CRACD: variants seen among roughly 807,000 people sequenced by gnomAD.
CRACD encodes capping protein-inhibiting regulator of actin dynamics.
A neutral mutation model predicts 106.8 loss-of-function variants in CRACD; 56 were observed. That is an observed-to-expected ratio of 0.52 (90% confidence interval 0.42 to 0.66). The LOEUF (loss-of-function observed/expected upper bound fraction) is 0.66. Among genes scored for constraint, CRACD ranks in the 30% least tolerant of loss-of-function variants. The probability of loss-of-function intolerance (pLI) is 0.00; values close to 1 mark genes in which losing one functional copy is unlikely to be tolerated. For missense variants in CRACD, 1,730 were observed against 1,623.2 expected (o/e 1.07, Z -1.13); for synonymous variants, 754 against 670.8 (o/e 1.12, Z -1.92).
intron 8 of CRACD, among the ~76,000 whole-genome samples, chr4:56,319,992 G>A (rs1745964161): frequency 6.6e-6 from 1 of 152,086 alleles, no homozygotes. Flanking sequence ...GGCCAACATG[G>A]TGAAACCCTG....
At chr4:56,271,340 G>C (rs953475269) in intron 2 of CRACD, among the ~76,000 whole-genome samples, 5 of 152,200 alleles carry the variant, frequency 3.3e-5, no homozygotes, top group African/African-American at 9.6e-5. Flanking sequence ...AGCAAGCCTA[G>C]TTCCTGACTA....
chr4:56,139,813 T>C (rs565967929), intron 1 of CRACD, among the ~76,000 whole-genome samples: 9 of 152,268 alleles, frequency 5.9e-5, no homozygotes, highest in African/African-American at 2.2e-4. Flanking sequence ...CAAATATAAT[T>C]ACATTTATAT....
rs549132022 is a variant in CRACD, at chr4:56,124,792, A to G, written c.-335-54492A>G. Among the ~76,000 whole-genome samples the G allele has an allele frequency of 2.6e-5, 4 of 152,244 alleles. No homozygotes were observed. The East Asian group carries it at 7.7e-4, about 29-fold the overall frequency. On this transcript the variant is annotated intron_variant, in intron 1 of 10. Transcript: ENST00000682029. ...GTCTTTCCCTACTTTTGGTAGAGGA[A>G]GAGTTGCTTTTCATTCCTGTAAAGT... is the stretch of plus-strand genomic sequence containing the variant.
chr4:56,280,867 C>CCAAG (rs1311726519), intron 3 of CRACD, among the ~76,000 whole-genome samples: 1 of 152,198 alleles, frequency 6.6e-6, no homozygotes, highest in African/African-American at 2.4e-5. Context: ...ATTCACCTGA[C>CCAAG]CTTGCTGCGT....
intron 2 of CRACD, among the ~76,000 whole-genome samples, chr4:56,244,025 C>G (rs1376133413): frequency 6.6e-6 from 1 of 152,092 alleles, no homozygotes; most frequent in Non-Finnish European, 1.5e-5. Context: ...CTTCCAAAGA[C>G]TTTTCTTTTT....
intron 2 of CRACD, among the ~76,000 whole-genome samples, chr4:56,235,706 T>C (rs1246524589): frequency 2.0e-5 from 3 of 152,204 alleles, no homozygotes; most frequent in East Asian, 1.9e-4. Context: ...GATTCAGCTT[T>C]TGAAACAAAG....
chr4:56,328,904 G>C lies in CRACD; in HGVS notation c.*1100G>C, dbSNP rs1190117155. ...CATTACATGTTTGAAAATTCCCTTT[G>C]GTCTTTAGGGAAAATAAACAGGAAG... On this transcript the variant is annotated 3_prime_UTR_variant, in exon 11 of 11. Transcript: ENST00000682029. Among the ~76,000 whole-genome samples the C allele has an allele frequency of 6.6e-6, 1 of 152,088 alleles. No individual in the cohort carries two copies. Among genetic ancestry groups the C allele is most frequent in the Non-Finnish European group, 1.5e-5 (1 of 67,990 alleles).
intron 3 of CRACD, among the ~76,000 whole-genome samples, chr4:56,285,095 T>C (rs6845638): frequency 0.61 from 92,919 of 152,028 alleles, 29,369 homozygotes; most frequent in Middle Eastern, 0.8. Flanking sequence ...AAGCATGTCT[T>C]ACCATGGTGG....
rs776911167 is a variant in CRACD, at chr4:56,314,929, G to A, written c.1427G>A (p.Arg476His). Reference protein sequence around the residue: ...GRSGDFQGADRPGPEEKREEG... With the variant: ...GRSGDFQGADHPGPEEKREEG... Reference sequence around the variant, plus strand: ...AGCGGGGATTTCCAGGGGGCCGATCGTCCTGGGCCCGAGGAAAAGAGAGAA... The same window carrying A: ...AGCGGGGATTTCCAGGGGGCCGATCATCCTGGGCCCGAGGAAAAGAGAGAA... Residue 476 changes from arginine to histidine, a missense_variant, in exon 8 of 11, where the codon CGT (arginine) becomes CAT (histidine). Transcript: ENST00000682029. The surrounding 1 kb of genome is among the most constrained non-coding windows in gnomAD (Gnocchi z 4.4). 1 of 1,602,206 alleles carries A rather than the reference G, an allele frequency of 6.2e-7. No homozygotes were observed. Among genetic ancestry groups the A allele is most frequent in the Non-Finnish European group, 8.5e-7 (1 of 1,175,694 alleles).
intron 1 of CRACD, among the ~76,000 whole-genome samples, chr4:56,159,884 C>T (rs112154958): frequency 0.41 from 61,689 of 151,494 alleles, 13,156 homozygotes; most frequent in African/African-American, 0.52. Flanking sequence ...CGGGTTCAAA[C>T]GATTCTCCTG....
chr4:56,239,028 C>T (rs1048090553), intron 2 of CRACD, among the ~76,000 whole-genome samples: 1 of 152,158 alleles, frequency 6.6e-6, no homozygotes, highest in Non-Finnish European at 1.5e-5. Flanking sequence ...TGCAATGGCT[C>T]ATGCCTATAA....
intron 1 of CRACD, among the ~76,000 whole-genome samples, chr4:56,145,235 A>G (rs1470731922): frequency 6.6e-6 from 1 of 152,226 alleles, no homozygotes; most frequent in Non-Finnish European, 1.5e-5. Flanking sequence ...GATTTTACAC[A>G]CCAGAGATGT....
intron 1 of CRACD, among the ~76,000 whole-genome samples, chr4:56,116,379 G>A (rs1180844980): frequency 1.3e-5 from 2 of 152,142 alleles, no homozygotes; most frequent in East Asian, 3.9e-4. Flanking sequence ...CATTTCTATG[G>A]GGTAGATATT....
chr4:56,227,819 A>G (rs1247951878), intron 2 of CRACD, among the ~76,000 whole-genome samples: 1 of 152,198 alleles, frequency 6.6e-6, no homozygotes, highest in African/African-American at 2.4e-5. Flanking sequence ...GGCAATACAC[A>G]CTGCCTTACA....
chr4:56,241,948 T>C, intron 2 of CRACD, among the ~76,000 whole-genome samples: 1 of 152,322 alleles, frequency 6.6e-6, no homozygotes, highest in East Asian at 1.9e-4. Flanking sequence ...AAGTAAGTTT[T>C]GTTCCCTAAA....
intron 2 of CRACD, among the ~76,000 whole-genome samples, chr4:56,197,908 A>C (rs1577731538): frequency 6.6e-6 from 1 of 152,056 alleles, no homozygotes; most frequent in Admixed American, 6.6e-5. Flanking sequence ...CGATCTCCTG[A>C]CCTTCTGATC....
At chr4:56,068,791 A>C (rs1188656649) in intron 1 of CRACD, among the ~76,000 whole-genome samples, 1 of 152,072 alleles carries the variant, frequency 6.6e-6, no homozygotes, top group Non-Finnish European at 1.5e-5. Flanking sequence ...CTGGAGTTTG[A>C]TTTTGGACAG....
intron 2 of CRACD, among the ~76,000 whole-genome samples, chr4:56,265,843 A>G (rs59943640): frequency 4.9e-4 from 74 of 152,330 alleles, no homozygotes; most frequent in African/African-American, 1.7e-3. Flanking sequence ...CATATCCTAG[A>G]AATCCAATGC....
At chr4:56,069,796 C>T (rs181076819) in intron 1 of CRACD, among the ~76,000 whole-genome samples, 1 of 151,946 alleles carries the variant, frequency 6.6e-6, no homozygotes, top group South Asian at 2.1e-4. Flanking sequence ...CTTCCCTGCT[C>T]GAAAAAAGAG....
Sources: allele counts gnomAD v4.1 joint callset (sites outside exome capture counted in the v4.1 genomes callset), GRCh38; gene constraint gnomAD v4.1.1; non-coding constraint Gnocchi (gnomAD v3.1); transcripts MANE v1.5; gene names NCBI Gene and HGNC (gene_info 2026-07-23, HGNC 2026-07-21).